INSYN2A: variants seen among roughly 807,000 people sequenced by gnomAD.
INSYN2A encodes the protein family with sequence similarity 196 member A.
A neutral mutation model predicts 39.4 loss-of-function variants in INSYN2A; 17 were observed. The ratio of observed to expected loss-of-function variants is 0.43; its 90% CI spans 0.30 to 0.65. The LOEUF (loss-of-function observed/expected upper bound fraction) is 0.65, where lower values mean the gene tolerates loss of function less well. Among genes scored for constraint, INSYN2A ranks in the 30% least tolerant of loss-of-function variants. The pLI, the probability that INSYN2A is intolerant of heterozygous loss-of-function variation, is 0.14. For synonymous variants in INSYN2A, 255 were observed against 265.7 expected (o/e 0.96, Z 0.39); for missense variants, 595 against 631.2 (o/e 0.94, Z 0.61).
intron 4 of INSYN2A, among the ~76,000 whole-genome samples, chr10:127,172,850 A>G (rs922499377): frequency 1.3e-5 from 2 of 152,208 alleles, no homozygotes; most frequent in African/African-American, 2.4e-5. Context: ...ACCGGAGTGA[A>G]TGACATTTCG....
intron 5 of INSYN2A, among the ~76,000 whole-genome samples, chr10:127,146,835 C>T (rs972597518): frequency 1.3e-5 from 2 of 152,162 alleles, no homozygotes; most frequent in East Asian, 1.9e-4. Context: ...GGAATTGGCA[C>T]GGATTCTGCA....
At chr10:127,156,530 CTCTTTTTCT>C (rs1460917087) in intron 4 of INSYN2A, among the ~76,000 whole-genome samples, 4 of 133,874 alleles carry the variant, frequency 3.0e-5, no homozygotes, top group Non-Finnish European at 6.4e-5. Flanking sequence ...CTTTTCTTTT[CTCTTTTTCT>C]TCTTCTTCTT....
chr10:127,142,620 G>A (rs1371618173), intron 5 of INSYN2A, among the ~76,000 whole-genome samples: 4 of 152,120 alleles, frequency 2.6e-5, no homozygotes, highest in Admixed American at 2.6e-4. Context: ...GGTGAGAAGG[G>A]AAGATCCCTG....
chr10:127,153,762 C>T (rs887806854), intron 5 of INSYN2A, 90 bp downstream of exon 5: 2 of 1,010,806 alleles, frequency 2.0e-6, no homozygotes, highest in South Asian at 1.4e-5. Context: ...AGAATCATCC[C>T]AGCATGGCCC....
Position 127,137,782 on chromosome 10 carries a change from A to C in INSYN2A, c.*55T>G, listed in dbSNP as rs1024331300. On this transcript the variant is annotated 3_prime_UTR_variant, in exon 6 of 6. Coordinates refer to ENST00000522781, the MANE Select transcript of INSYN2A (RefSeq NM_001039762.3). ...TCCTATTCATTTTGGAAAAGTATTG[A>C]CTTAAACTCCAGTGGGTTCTAAAGA... is the stretch of plus-strand genomic sequence containing the variant. The C allele has an allele frequency of 4.0e-6, 6 of 1,504,534 alleles. No individual in the cohort carries two copies. The African/African-American group carries it at 8.4e-5, about 21-fold the overall frequency. 93.2% of individuals were successfully genotyped at this position (1,504,534 alleles called of 1,614,324 possible). A position where few individuals can be genotyped will look rare whatever the true frequency, so the allele number is the denominator to read the frequency against.
intron 2 of INSYN2A, among the ~76,000 whole-genome samples, chr10:127,192,226 GAATAAACAGTTCAGTGCTCTATAA>G (rs2056808886): frequency 1.3e-5 from 2 of 152,144 alleles, no homozygotes; most frequent in African/African-American, 4.8e-5. Context: ...GCAATACTTT[GAATAAACAGTTCAGTGCTCTATAA>G]AATAAATATT....
chr10:127,186,665 C>A (rs1297936542), intron 2 of INSYN2A, among the ~76,000 whole-genome samples: 2 of 151,858 alleles, frequency 1.3e-5, no homozygotes, highest in Non-Finnish European at 2.9e-5. Context: ...CTTTCATTTT[C>A]CTGTTCTTTA....
intron 4 of INSYN2A, among the ~76,000 whole-genome samples, chr10:127,161,071 C>A (rs992340689): frequency 6.6e-6 from 1 of 152,208 alleles, no homozygotes; most frequent in Non-Finnish European, 1.5e-5. Context: ...TTGAGAGCCA[C>A]TCTGAGCAGT....
intron 4 of INSYN2A, among the ~76,000 whole-genome samples, chr10:127,163,458 T>A (rs907128867): frequency 5.9e-5 from 9 of 152,110 alleles, no homozygotes; most frequent in African/African-American, 2.2e-4. Context: ...GGGCAAACTT[T>A]CAGTGCCCAC....
intron 4 of INSYN2A, among the ~76,000 whole-genome samples, chr10:127,174,990 A>G (rs2054944391): frequency 6.6e-6 from 1 of 152,250 alleles, no homozygotes. Flanking sequence ...ATTCAAGGCC[A>G]GAAAGATGAA....
intron 2 of INSYN2A, among the ~76,000 whole-genome samples, chr10:127,182,524 T>C (rs1166255005): frequency 6.6e-6 from 1 of 152,210 alleles, no homozygotes; most frequent in Non-Finnish European, 1.5e-5. Flanking sequence ...TTTCAGCTTA[T>C]GTTGATGTTA....
At chr10:127,186,012 T>G (rs566291182) in intron 2 of INSYN2A, among the ~76,000 whole-genome samples, 2 of 152,196 alleles carry the variant, frequency 1.3e-5, no homozygotes, top group Non-Finnish European at 2.9e-5. Context: ...TAAATTGAGT[T>G]TAATTAAAAA....
rs757802603 is a variant in INSYN2A at position 127,176,198 on chromosome 10, C to G, written c.198G>C (p.Ser66=). 6 of 1,613,950 alleles carry G rather than the reference C, an allele frequency of 3.7e-6. No homozygotes were observed. The highest frequency in any genetic ancestry group is 3.3e-5 in the South Asian group (3 of 91,080). ...QNEQRDTQLS[S]GQLGEKREAK... ...CCTCCCGCTTCTCCCCCAGCTGGCC[C>G]GAGGACAGCTGTGTGTCCCTCTGCT... is the stretch of plus-strand genomic sequence containing the variant. The change falls in exon 4 of 6, where the codon TCG becomes TCC. Residue 66 remains serine, a synonymous_variant. Coordinates refer to ENST00000522781, the MANE Select transcript of INSYN2A (RefSeq NM_001039762.3). The surrounding 1 kb of genome is among the most constrained non-coding windows in gnomAD (Gnocchi z 4.4).
chr10:127,191,384 C>T lies in INSYN2A; in HGVS notation c.-269+1221G>A, dbSNP rs1214853761. 2.0e-5 allele frequency among the ~76,000 whole-genome samples: 3 copies of T among 152,278 alleles called. No homozygotes were observed. In the East Asian group the frequency reaches 5.8e-4, roughly 29 times the overall value. On this transcript the variant is annotated intron_variant, in intron 2 of 5. Coordinates refer to ENST00000522781, the MANE Select transcript of INSYN2A (RefSeq NM_001039762.3). ...AGTACATATCCACAAATCAGAAGTC[C>T]TCTCTGAACAAAGCCATCTGCATAT...
Position 127,137,804 on chromosome 10 carries a change from A to C in INSYN2A, c.*33T>G, listed in dbSNP as rs768340065. 6.3e-7 allele frequency: 1 copy of C among 1,588,200 alleles called. No individual in the cohort carries two copies. Among genetic ancestry groups the C allele is most frequent in the Non-Finnish European group, 8.6e-7 (1 of 1,168,172 alleles). ...TTGACTTAAACTCCAGTGGGTTCTAAAGACGGCCTCGAGACTCCAGACACC... is the reference window on the plus strand; with the variant it reads ...TTGACTTAAACTCCAGTGGGTTCTACAGACGGCCTCGAGACTCCAGACACC... On this transcript the variant is annotated 3_prime_UTR_variant, in exon 6 of 6. Transcript: ENST00000522781.
chr10:127,158,005 G>T (rs2053245728), intron 4 of INSYN2A, among the ~76,000 whole-genome samples: 2 of 152,196 alleles, frequency 1.3e-5, no homozygotes, highest in Non-Finnish European at 2.9e-5. Context: ...GTAATCCATT[G>T]TGCTTACTGC....
chr10:127,160,374 A>G (rs1428761375), intron 4 of INSYN2A, among the ~76,000 whole-genome samples: 1 of 152,202 alleles, frequency 6.6e-6, no homozygotes, highest in Admixed American at 6.5e-5. Context: ...TTCTCTTCTC[A>G]CATTCCTGGG....
intron 4 of INSYN2A, among the ~76,000 whole-genome samples, chr10:127,160,251 T>C (rs1464313473): frequency 1.3e-5 from 2 of 152,204 alleles, no homozygotes; most frequent in Non-Finnish European, 2.9e-5. Context: ...CAGTACCTAA[T>C]AGTAATTACA....
chr10:127,175,748 T>A lies in INSYN2A; in HGVS notation c.648A>T (p.Pro216=), dbSNP rs2055051882. The A allele has an allele frequency of 6.2e-7, 1 of 1,613,988 alleles. No individual in the cohort carries two copies. Among genetic ancestry groups the A allele is most frequent in the African/African-American group, 1.3e-5 (1 of 74,924 alleles). Residue 216 remains proline, a synonymous_variant, in exon 4 of 6, where the codon CCA becomes CCT. Transcript: ENST00000522781. This position sits in a 1 kb window ranked among gnomAD's most constrained non-coding sequence, Gnocchi z 6.3. ...GCAGCTGGTAATCGGGCTCTTCGGA[T>A]GGAGGCCGAGTGGAGTTTTGGAGCG... ...EAALQNSTRP[P]SEEPDYQLLG...
Sources: gnomAD v4.1 joint callset for allele counts (sites outside exome capture counted in the v4.1 genomes callset) on GRCh38, gnomAD v4.1.1 for gene constraint, Gnocchi (gnomAD v3.1) non-coding constraint, MANE v1.5 for transcripts, NCBI Gene and HGNC (gene_info 2026-07-23, HGNC 2026-07-21) for gene names.